The following NFIA variants were observed in gnomAD, a reference collection of about 807,000 sequenced individuals.
NFIA encodes the protein nuclear factor I A.
NFIA carries 8 observed loss-of-function variants against 62.8 expected under a neutral mutation model. The ratio of observed to expected loss-of-function variants is 0.13; its 90% CI spans 0.07 to 0.23. The LOEUF is 0.23. NFIA is among the 10% of genes least tolerant of loss of function. The pLI is 1.00. For synonymous variants in NFIA, 235 were observed against 238.1 expected (o/e 0.99, Z 0.12); for missense variants, 410 against 642.1 (o/e 0.64, Z 3.91).
At chr1:61,325,715 G>C (rs375372760) in intron 3 of NFIA, among the ~76,000 whole-genome samples, 3 of 151,918 alleles carry the variant, frequency 2.0e-5, no homozygotes, top group Non-Finnish European at 4.4e-5. Flanking sequence ...TCAGGAGATC[G>C]AGACCATCCT....
At chr1:61,201,979 C>A (rs1356833307) in intron 2 of NFIA, among the ~76,000 whole-genome samples, 2 of 151,856 alleles carry the variant, frequency 1.3e-5, no homozygotes, top group African/African-American at 4.8e-5. Context: ...CCAATGTGTT[C>A]TTTAATTTGC....
intron 2 of NFIA, among the ~76,000 whole-genome samples, chr1:61,175,153 A>G (rs200677705): frequency 2.0e-4 from 20 of 100,320 alleles, no homozygotes; most frequent in African/African-American, 7.1e-4. Context: ...TATTATTATT[A>G]TTTTTTGAGA....
chr1:61,169,954 A>G (rs941745350), intron 2 of NFIA, among the ~76,000 whole-genome samples: 11 of 152,040 alleles, frequency 7.2e-5, no homozygotes, highest in East Asian at 1.9e-4. Flanking sequence ...TATTTGTTCT[A>G]TTTGCCATTA....
chr1:61,095,080 A>G (rs752191652), intron 2 of NFIA, among the ~76,000 whole-genome samples: 6 of 152,356 alleles, frequency 3.9e-5, no homozygotes, highest in South Asian at 4.1e-4. Context: ...GAGGATAATT[A>G]TGATAACTAG....
chr1:61,277,997 T>C (rs1448723898), intron 3 of NFIA, among the ~76,000 whole-genome samples: 1 of 152,086 alleles, frequency 6.6e-6, no homozygotes, highest in Non-Finnish European at 1.5e-5. Context: ...AGATCATTCA[T>C]TCACAAGCAG....
intron 2 of NFIA, among the ~76,000 whole-genome samples, chr1:61,184,675 A>G (rs1651030594): frequency 2.0e-5 from 3 of 152,224 alleles, no homozygotes; most frequent in Non-Finnish European, 1.5e-5. Context: ...AATTCAACAA[A>G]ATAACACATT....
chr1:61,203,819 GA>G (rs1652702122), intron 2 of NFIA, among the ~76,000 whole-genome samples: 1 of 152,112 alleles, frequency 6.6e-6, no homozygotes, highest in Admixed American at 6.5e-5. Context: ...AGAAAAAAAA[GA>G]AATCGACTTT....
chr1:61,128,169 C>A (rs375933884), intron 2 of NFIA, among the ~76,000 whole-genome samples: 1 of 152,070 alleles, frequency 6.6e-6, no homozygotes, highest in South Asian at 2.1e-4. Context: ...CACGCTGGCT[C>A]AAACTCCTGG....
rs565789163 is a variant in NFIA, at chr1:61,204,058, T to C, written c.560-73462T>C. Reference sequence around the variant, plus strand: ...TTGCTGTGACTTCCGTTTCTGTAAATTCCGTGGGATGTATTTTGCCACCAA... The same window carrying C: ...TTGCTGTGACTTCCGTTTCTGTAAACTCCGTGGGATGTATTTTGCCACCAA... On this transcript the variant is annotated intron_variant, in intron 2 of 10. Transcript: ENST00000403491. Among the ~76,000 whole-genome samples, 6 of 152,356 alleles carry C rather than the reference T, an allele frequency of 3.9e-5. No individual in the cohort carries two copies. The East Asian group carries it at 7.7e-4, about 20-fold the overall frequency.
chr1:61,228,493 T>C (rs1253320762), intron 2 of NFIA, among the ~76,000 whole-genome samples: 1 of 152,126 alleles, frequency 6.6e-6, no homozygotes, highest in African/African-American at 2.4e-5. Context: ...TTCAAAGAAA[T>C]GGATGGTGTG....
At chr1:61,210,939 A>G (rs1400313581) in intron 2 of NFIA, among the ~76,000 whole-genome samples, 3 of 152,238 alleles carry the variant, frequency 2.0e-5, no homozygotes, top group Non-Finnish European at 4.4e-5. Context: ...AATTTAGCAA[A>G]GGATCAGGGC....
intron 2 of NFIA, among the ~76,000 whole-genome samples, chr1:61,115,326 A>C (rs887726321): frequency 6.6e-6 from 1 of 152,208 alleles, no homozygotes; most frequent in Non-Finnish European, 1.5e-5. Flanking sequence ...AACATGGTAC[A>C]GGTTGGTAGA....
chr1:61,254,996 C>T (rs1298855887), intron 2 of NFIA, among the ~76,000 whole-genome samples: 1 of 152,140 alleles, frequency 6.6e-6, no homozygotes, highest in Non-Finnish European at 1.5e-5. Context: ...AGCTAGGATC[C>T]CCTTTTCACT....
chr1:61,321,749 A>C (rs1660690280), intron 3 of NFIA, among the ~76,000 whole-genome samples: 1 of 152,030 alleles, frequency 6.6e-6, no homozygotes, highest in Non-Finnish European at 1.5e-5. Flanking sequence ...TCATTGTGTG[A>C]TGCCATGGAT....
chr1:61,277,690 T>G, intron 3 of NFIA, 105 bp downstream of exon 3: 1 of 1,067,568 alleles, frequency 9.4e-7, no homozygotes, highest in Non-Finnish European at 1.4e-6. Flanking sequence ...TAGCCCACAG[T>G]AGGAACAACT....
At chr1:61,389,303 G>A (rs1421736608) in intron 7 of NFIA, among the ~76,000 whole-genome samples, 1 of 152,118 alleles carries the variant, frequency 6.6e-6, no homozygotes, top group Non-Finnish European at 1.5e-5. Context: ...AGGCAAAAAG[G>A]ACCTGTCAGC....
Position 61,082,569 on chromosome 1 carries a change from A to T in NFIA, c.-223A>T. ...GTAGGGAAACTCTAGGCGGGGTTAA[A>T]GTTCAGCTCATGGAGCGGCAATAGC... On this transcript the variant is annotated 5_prime_UTR_variant, in exon 1 of 11. It adds an upstream start codon to the 5' untranslated region. Coordinates refer to ENST00000403491, the MANE Select transcript of NFIA (RefSeq NM_001134673.4). 1 of 1,458,788 alleles carries T rather than the reference A, an allele frequency of 6.9e-7. No individual in the cohort carries two copies. The highest frequency in any genetic ancestry group is 9.1e-7 in the Non-Finnish European group (1 of 1,100,756). 90.4% of individuals were successfully genotyped at this position (1,458,788 alleles called of 1,614,324 possible). A position where few individuals can be genotyped will look rare whatever the true frequency, so the allele number is the denominator to read the frequency against.
chr1:61,151,695 A>G (rs1039541885), intron 2 of NFIA, among the ~76,000 whole-genome samples: 5 of 152,194 alleles, frequency 3.3e-5, no homozygotes, highest in African/African-American at 1.2e-4. Flanking sequence ...TAAATAGTCC[A>G]GCAACTGCTT....
intron 2 of NFIA, among the ~76,000 whole-genome samples, chr1:61,215,226 T>C (rs780627459): frequency 1.2e-4 from 18 of 152,352 alleles, no homozygotes; most frequent in Non-Finnish European, 2.1e-4. Flanking sequence ...TATACTGTTA[T>C]ATGAAGTCTA....
Sources: allele counts gnomAD v4.1 joint callset (sites outside exome capture counted in the v4.1 genomes callset), GRCh38; gene constraint gnomAD v4.1.1; transcripts MANE v1.5; gene names NCBI Gene and HGNC (gene_info 2026-07-23, HGNC 2026-07-21).